Variants in DLG2 observed in about 807,000 individuals in gnomAD.
DLG2 encodes discs large MAGUK scaffold protein 2, also known as disks large homolog 2.
Under a neutral mutation model 132.5 loss-of-function variants are expected in DLG2, and 45 were observed. That is an observed-to-expected ratio of 0.34 (90% CI 0.27 to 0.44). DLG2 has a LOEUF of 0.44. Ranked by LOEUF, DLG2 falls within the 20% of genes least tolerant of loss-of-function variation. The probability of loss-of-function intolerance (pLI) is 1.00; values close to 1 mark genes in which losing one functional copy is unlikely to be tolerated. For synonymous variants in DLG2, 424 were observed against 419.6 expected (o/e 1.01, Z -0.13); for missense variants, 1,045 against 1,196.9 (o/e 0.87, Z 1.87).
At chr11:84,199,865 A>G (rs770391189) in intron 8 of DLG2, among the ~76,000 whole-genome samples, 7 of 152,084 alleles carry the variant, frequency 4.6e-5, no homozygotes, top group Non-Finnish European at 8.8e-5. Context: ...AAAAGTGGGA[A>G]AGACAAAAAT....
intron 6 of DLG2, among the ~76,000 whole-genome samples, chr11:84,941,805 T>A (rs1232083629): frequency 6.6e-6 from 1 of 152,130 alleles, no homozygotes; most frequent in Non-Finnish European, 1.5e-5. Flanking sequence ...CAGAATAGTT[T>A]CAATAAGACT....
intron 6 of DLG2, among the ~76,000 whole-genome samples, chr11:84,620,958 T>C (rs563432895): frequency 6.6e-6 from 1 of 152,216 alleles, no homozygotes; most frequent in African/African-American, 2.4e-5. Context: ...AGCAAGAGCA[T>C]GGAAAAATGA....
At chr11:84,851,209 G>A (rs1037106663) in intron 6 of DLG2, among the ~76,000 whole-genome samples, 1 of 152,062 alleles carries the variant, frequency 6.6e-6, no homozygotes, top group Non-Finnish European at 1.5e-5. Context: ...AATTTTAGCT[G>A]CTTTTGTACT....
chr11:84,299,618 G>A (rs1355202089), intron 7 of DLG2, among the ~76,000 whole-genome samples: 1 of 152,084 alleles, frequency 6.6e-6, no homozygotes, highest in Non-Finnish European at 1.5e-5. Context: ...ATAGACTGAA[G>A]GCTCTGAGTG....
chr11:85,068,016 T>C (rs982735596), intron 6 of DLG2, among the ~76,000 whole-genome samples: 1 of 152,098 alleles, frequency 6.6e-6, no homozygotes, highest in African/African-American at 2.4e-5. Flanking sequence ...TCAATAAACG[T>C]AACCCAGCAT....
intron 16 of DLG2, among the ~76,000 whole-genome samples, chr11:83,848,291 A>C (rs1317912446): frequency 6.6e-6 from 1 of 152,148 alleles, no homozygotes; most frequent in African/African-American, 2.4e-5. Flanking sequence ...CCTGGTACAG[A>C]TTAGGTACAG....
At chr11:85,119,571 T>C (rs2074064746) in intron 5 of DLG2, among the ~76,000 whole-genome samples, 4 of 152,042 alleles carry the variant, frequency 2.6e-5, no homozygotes, top group Admixed American at 2.6e-4. Context: ...AAAATTTGGA[T>C]ATTATTACTA....
intron 11 of DLG2, among the ~76,000 whole-genome samples, chr11:84,017,819 G>A (rs2095259782): frequency 6.6e-6 from 1 of 151,912 alleles, no homozygotes; most frequent in Admixed American, 6.6e-5. Flanking sequence ...TATGTGCCAG[G>A]CACTGTTCTA....
rs142899101 is a variant in DLG2, at chr11:85,390,205, T to G, written c.41-104840A>C. ...CACCAAAAGGGAGCAGAAGTAGCTA[T>G]TCTTACATCAGACAAAACACACTTA... On this transcript the variant is annotated intron_variant, in intron 3 of 27. Coordinates refer to ENST00000376104, the MANE Select transcript of DLG2 (RefSeq NM_001142699.3). Among the ~76,000 whole-genome samples the G allele has an allele frequency of 1.1e-3, 175 of 152,174 alleles. 1 individual carries two copies. The highest frequency in any genetic ancestry group is 4.0e-3 in the African/African-American group (168 of 41,512).
intron 9 of DLG2, among the ~76,000 whole-genome samples, chr11:84,154,923 T>C (rs1474638265): frequency 6.6e-6 from 1 of 152,118 alleles, no homozygotes; most frequent in Non-Finnish European, 1.5e-5. Flanking sequence ...TGGTATCTAA[T>C]TAAACTAAAG....
At chr11:84,243,153 G>A (rs1413394246) in intron 8 of DLG2, among the ~76,000 whole-genome samples, 1 of 151,804 alleles carries the variant, frequency 6.6e-6, no homozygotes, top group African/African-American at 2.4e-5. Context: ...CTGTCTGATA[G>A]AACTTTCTGG....
chr11:85,059,177 G>C (rs608647), intron 6 of DLG2, among the ~76,000 whole-genome samples: 1 of 150,738 alleles, frequency 6.6e-6, no homozygotes, highest in South Asian at 2.1e-4. Flanking sequence ...AACCCAGACC[G>C]ATAAATATAT....
chr11:84,873,955 C>CCTT (rs1443274477), intron 6 of DLG2, among the ~76,000 whole-genome samples: 6 of 152,116 alleles, frequency 3.9e-5, no homozygotes, highest in Admixed American at 2.0e-4. Context: ...ACGACATCAC[C>CCTT]CTTCACCTTA....
At chr11:83,485,954 C>CAAAT (rs2093474576) in intron 21 of DLG2, among the ~76,000 whole-genome samples, 2 of 151,812 alleles carry the variant, frequency 1.3e-5, no homozygotes, top group Admixed American at 6.6e-5. Context: ...AATAATGAAC[C>CAAAT]AAATAATTAA....
At chr11:84,541,809 C>G (rs575950284) in intron 6 of DLG2, among the ~76,000 whole-genome samples, 2 of 152,078 alleles carry the variant, frequency 1.3e-5, no homozygotes, top group East Asian at 1.9e-4. Flanking sequence ...CTACCACAGT[C>G]CCCCCTACAC....
intron 7 of DLG2, among the ~76,000 whole-genome samples, chr11:84,385,330 A>G (rs1386898023): frequency 1.3e-5 from 2 of 152,126 alleles, no homozygotes; most frequent in Non-Finnish European, 2.9e-5. Context: ...TTTCAGTTCT[A>G]TGAACAGGGT....
chr11:83,911,744 CGTT>C (rs2076094447), intron 15 of DLG2, among the ~76,000 whole-genome samples: 1 of 151,748 alleles, frequency 6.6e-6, no homozygotes, highest in African/African-American at 2.4e-5. Context: ...ATAAGGCTAG[CGTT>C]GTATAATGAA....
intron 6 of DLG2, among the ~76,000 whole-genome samples, chr11:84,777,248 G>T: frequency 0.022 from 1 of 46 alleles, no homozygotes; most frequent in African/African-American, 0.062. Flanking sequence ...TGTCTAAATA[G>T]TATCCATTGT....
intron 6 of DLG2, among the ~76,000 whole-genome samples, chr11:84,790,214 G>A (rs554023188): frequency 1.3e-5 from 2 of 152,258 alleles, no homozygotes; most frequent in South Asian, 4.1e-4. Context: ...CAATGTAGGA[G>A]AGTTCTCTTT....
Sources: gnomAD v4.1 joint callset for allele counts (sites outside exome capture counted in the v4.1 genomes callset) on GRCh38, gnomAD v4.1.1 for gene constraint, MANE v1.5 for transcripts, NCBI Gene and HGNC (gene_info 2026-07-23, HGNC 2026-07-21) for gene names.